Variants in IQGAP2 observed in about 807,000 individuals in gnomAD.
IQGAP2 encodes the protein IQ motif containing GTPase activating protein 2.
In IQGAP2, 173 loss-of-function variants were observed where a neutral mutation model predicts 201.3. The observed-to-expected ratio is 0.86, with a 90% CI of 0.76 to 0.98. The LOEUF is 0.98. IQGAP2 is among the 50% of genes least tolerant of loss of function. The pLI, the probability that IQGAP2 is intolerant of heterozygous loss-of-function variation, is 0.00. For synonymous variants in IQGAP2, 675 were observed against 673.9 expected, an observed-to-expected ratio of 1.00 and a Z score of -0.03; for missense variants, 1,687 against 1,864.8, an observed-to-expected ratio of 0.90 and a Z score of 1.76.
intron 30 of IQGAP2, among the ~76,000 whole-genome samples, chr5:76,692,130 T>C (rs1746314604): frequency 6.6e-6 from 1 of 152,244 alleles, no homozygotes; most frequent in Non-Finnish European, 1.5e-5. Flanking sequence ...TTTTCTTCTT[T>C]CTTTTCTTTC....
chr5:76,678,653 C>T (rs1745035579), intron 28 of IQGAP2, among the ~76,000 whole-genome samples: 1 of 152,188 alleles, frequency 6.6e-6, no homozygotes, highest in Non-Finnish European at 1.5e-5. Context: ...GATGCACATT[C>T]AAGTTCTAGA....
intron 10 of IQGAP2, 120 bp from the exon 11 acceptor site, chr5:76,600,692 C>A: frequency 8.3e-7 from 1 of 1,205,218 alleles, no homozygotes; most frequent in Non-Finnish European, 1.2e-6. Context: ...ACTCCTCTTT[C>A]TGCTGAGCTA....
At chr5:76,483,467 A>G (rs1006289827) in intron 2 of IQGAP2, among the ~76,000 whole-genome samples, 2 of 152,242 alleles carry the variant, frequency 1.3e-5, no homozygotes, top group Admixed American at 1.3e-4. Context: ...TATTGGAACA[A>G]CTGGCATCTC....
intron 21 of IQGAP2, among the ~76,000 whole-genome samples, chr5:76,661,453 T>C (rs1743239832): frequency 6.6e-6 from 1 of 152,148 alleles, no homozygotes; most frequent in South Asian, 2.1e-4. Flanking sequence ...CTAAAACTAG[T>C]GCTAAAATTC....
chr5:76,468,461 C>T (rs1269451828), intron 2 of IQGAP2, among the ~76,000 whole-genome samples: 1 of 152,100 alleles, frequency 6.6e-6, no homozygotes, highest in Non-Finnish European at 1.5e-5. Flanking sequence ...ATATGTGTAT[C>T]ATCTCCATAT....
chr5:76,637,110 G>C lies in IQGAP2; in HGVS notation c.1857G>C (p.Glu619Asp), dbSNP rs1331889559. 4.3e-6 allele frequency: 7 copies of C among 1,611,880 alleles called. No homozygotes were observed. The highest frequency in any genetic ancestry group is 3.3e-5 in the Admixed American group (2 of 59,914). ...ACTATTACAACACTGATTCAAAAGA[G>C]AGTTCCTGGGTCACACCTGAATCAT... ...YDYYYNTDSK[E>D]SSWVTPESCL... The change falls in exon 16 of 36, where the codon GAG (glutamate) becomes GAC (aspartate). Residue 619 changes from glutamate (E) to aspartate (D), a missense_variant. Transcript: ENST00000274364.
At chr5:76,631,544 A>C (rs1006688265) in intron 14 of IQGAP2, among the ~76,000 whole-genome samples, 1 of 152,198 alleles carries the variant, frequency 6.6e-6, no homozygotes, top group African/African-American at 2.4e-5. Flanking sequence ...TTACAGCTAC[A>C]TATCTATGTT....
At chr5:76,623,080 G>T in intron 13 of IQGAP2, 1 of 1,216,768 alleles carries the variant, frequency 8.2e-7, no homozygotes, top group Non-Finnish European at 1.2e-6. Flanking sequence ...CAGTTTGTGT[G>T]AGATGCAAAG....
chr5:76,445,960 T>C (rs1388261846), intron 1 of IQGAP2, among the ~76,000 whole-genome samples: 1 of 152,234 alleles, frequency 6.6e-6, no homozygotes, highest in Non-Finnish European at 1.5e-5. Flanking sequence ...TGCGACTGGC[T>C]AATTTCACTT....
intron 2 of IQGAP2, among the ~76,000 whole-genome samples, chr5:76,514,043 C>T (rs1341446322): frequency 1.1e-4 from 10 of 91,778 alleles, no homozygotes; most frequent in African/African-American, 1.8e-4. Flanking sequence ...TTTTTTGAGA[C>T]GGAGTCTTGC....
chr5:76,553,810 G>C (rs1229658206), intron 2 of IQGAP2, among the ~76,000 whole-genome samples: 1 of 152,226 alleles, frequency 6.6e-6, no homozygotes, highest in East Asian at 1.9e-4. Flanking sequence ...TGGGGTTGTG[G>C]GCCAATAAAC....
chr5:76,571,483 C>T (rs1040653126), intron 4 of IQGAP2, among the ~76,000 whole-genome samples: 68 of 152,212 alleles, frequency 4.5e-4, no homozygotes, highest in African/African-American at 1.4e-3. Context: ...CCATGCCCGG[C>T]GTATAAATTA....
intron 2 of IQGAP2, among the ~76,000 whole-genome samples, chr5:76,510,081 A>G (rs186845578): frequency 6.7e-6 from 1 of 150,056 alleles, no homozygotes; most frequent in African/African-American, 2.5e-5. Flanking sequence ...CTCACTGTGA[A>G]CTCCGCCTCC....
chr5:76,536,602 A>G (rs1314146442), intron 2 of IQGAP2, among the ~76,000 whole-genome samples: 1 of 151,606 alleles, frequency 6.6e-6, no homozygotes, highest in Non-Finnish European at 1.5e-5. Context: ...TCTACTAAAA[A>G]TACAAAATTA....
intron 22 of IQGAP2, among the ~76,000 whole-genome samples, chr5:76,666,890 C>A (rs1285681303): frequency 6.6e-6 from 1 of 152,112 alleles, no homozygotes; most frequent in Non-Finnish European, 1.5e-5. Flanking sequence ...ACTACAGACA[C>A]CTGCCACAAT....
At chr5:76,529,389 G>T (rs372172607) in intron 2 of IQGAP2, among the ~76,000 whole-genome samples, 100 of 152,114 alleles carry the variant, frequency 6.6e-4, no homozygotes, top group African/African-American at 2.3e-3. Context: ...CAGCACTTTG[G>T]GAGGCAAAGG....
At chr5:76,623,176 A>G in intron 13 of IQGAP2, 2 of 1,614,178 alleles carry the variant, frequency 1.2e-6, no homozygotes, top group South Asian at 1.1e-5. Context: ...CCACTCTGAC[A>G]AAAAGTGGGC....
At chr5:76,477,268 G>C (rs1164600864) in intron 2 of IQGAP2, among the ~76,000 whole-genome samples, 2 of 152,182 alleles carry the variant, frequency 1.3e-5, no homozygotes, top group Non-Finnish European at 2.9e-5. Flanking sequence ...CTGAGCCTGG[G>C]AGGTAGAGGC....
chr5:76,559,046 G>A (rs1457110996), intron 2 of IQGAP2, among the ~76,000 whole-genome samples: 1 of 152,036 alleles, frequency 6.6e-6, no homozygotes, highest in Non-Finnish European at 1.5e-5. Context: ...GACTACAGGC[G>A]CCCGCCACCA....
Sources: gnomAD v4.1 joint callset for allele counts (sites outside exome capture counted in the v4.1 genomes callset) on GRCh38, gnomAD v4.1.1 for gene constraint, MANE v1.5 for transcripts, NCBI Gene and HGNC (gene_info 2026-07-23, HGNC 2026-07-21) for gene names.